The following BLTP3B variants were observed in gnomAD, a reference collection of about 807,000 sequenced individuals.
BLTP3B encodes the protein bridge-like lipid transfer protein family member 3B, also known as UHRF1 (ICBP90) binding protein 1-like.
the BLTP3B span, among the ~76,000 whole-genome samples, chr12:100,064,803 A>C: frequency 6.6e-6 from 1 of 152,148 alleles, no homozygotes; most frequent in South Asian, 2.1e-4. Flanking sequence ...AAATCTTGAA[A>C]CAAATCCTGG....
the BLTP3B span, among the ~76,000 whole-genome samples, chr12:100,114,234 T>G: frequency 2.0e-5 from 3 of 152,204 alleles, no homozygotes; most frequent in Non-Finnish European, 2.9e-5. Flanking sequence ...ACATACTTCC[T>G]TGGTTATAGT....
chr12:100,112,176 G>A, the BLTP3B span, among the ~76,000 whole-genome samples: 2 of 152,164 alleles, frequency 1.3e-5, no homozygotes, highest in African/African-American at 4.8e-5. Flanking sequence ...AAAATGAGGA[G>A]GATTAAAATA....
chr12:100,071,837 G>A, the BLTP3B span, among the ~76,000 whole-genome samples: 2 of 152,164 alleles, frequency 1.3e-5, no homozygotes, highest in African/African-American at 4.8e-5. Context: ...TTATATAGCT[G>A]ACATATAAAT....
chr12:100,141,377 A>C, the BLTP3B span, among the ~76,000 whole-genome samples: 2 of 151,444 alleles, frequency 1.3e-5, no homozygotes, highest in South Asian at 4.2e-4. Flanking sequence ...TATATGTAGT[A>C]CACATATATA....
the BLTP3B span, among the ~76,000 whole-genome samples, chr12:100,091,405 G>A: frequency 6.6e-6 from 1 of 151,860 alleles, no homozygotes; most frequent in African/African-American, 2.4e-5. Flanking sequence ...GGACAGGCTG[G>A]TCTCAAACTC....
chr12:100,039,589 C>T, the BLTP3B span: 1 of 1,609,186 alleles, frequency 6.2e-7, no homozygotes. Flanking sequence ...ATTAGGTTTC[C>T]CATTACCTGT....
the BLTP3B span, chr12:100,037,776 G>A: frequency 3.2e-6 from 5 of 1,564,548 alleles, no homozygotes; most frequent in South Asian, 1.2e-5. Flanking sequence ...AAATGGCGGG[G>A]GGATAAGATA....
chr12:100,100,274 C>T, the BLTP3B span, among the ~76,000 whole-genome samples: 302 of 151,924 alleles, frequency 2.0e-3, no homozygotes, highest in African/African-American at 7.1e-3. Context: ...CACTGCACTC[C>T]AGCCTGGGCA....
the BLTP3B span, among the ~76,000 whole-genome samples, chr12:100,066,287 T>C: frequency 6.4e-4 from 98 of 152,254 alleles, no homozygotes; most frequent in Admixed American, 6.0e-3. Context: ...AGGGACATTA[T>C]ACAATGATAA....
the BLTP3B span, among the ~76,000 whole-genome samples, chr12:100,131,369 T>A: frequency 6.6e-6 from 1 of 151,406 alleles, no homozygotes; most frequent in Admixed American, 6.6e-5. Flanking sequence ...TTAATTTATT[T>A]AAAAAATTTT....
the BLTP3B span, among the ~76,000 whole-genome samples, chr12:100,101,483 C>T: frequency 3.9e-5 from 6 of 152,090 alleles, no homozygotes; most frequent in African/African-American, 7.2e-5. Flanking sequence ...TGCTATTTTA[C>T]GCAATATGAG....
the BLTP3B span, among the ~76,000 whole-genome samples, chr12:100,112,694 A>G: frequency 1.3e-5 from 2 of 152,068 alleles, no homozygotes; most frequent in African/African-American, 4.8e-5. Flanking sequence ...CCATATAATC[A>G]AAGATTTATA....
At chr12:100,123,827 GA>G in the BLTP3B span, among the ~76,000 whole-genome samples, 2 of 150,874 alleles carry the variant, frequency 1.3e-5, no homozygotes, top group Non-Finnish European at 3.0e-5. Flanking sequence ...TGCGTGTAAT[GA>G]AAAAAAATCA....
chr12:100,136,974 G>A, the BLTP3B span, among the ~76,000 whole-genome samples: 6 of 152,044 alleles, frequency 3.9e-5, no homozygotes, highest in Non-Finnish European at 7.4e-5. Flanking sequence ...ACCACACCCA[G>A]CTAATTTTGC....
chr12:100,082,201 A>G, the BLTP3B span, among the ~76,000 whole-genome samples: 1 of 152,140 alleles, frequency 6.6e-6, no homozygotes, highest in African/African-American at 2.4e-5. Context: ...GGCTGCACAT[A>G]TGTCTTCTTT....
At chr12:100,136,065 G>A in the BLTP3B span, among the ~76,000 whole-genome samples, 3 of 152,002 alleles carry the variant, frequency 2.0e-5, no homozygotes, top group African/African-American at 7.3e-5. Flanking sequence ...ACAAAAATTA[G>A]CTGGGTGTGG....
At chr12:100,081,952 G>A in the BLTP3B span, among the ~76,000 whole-genome samples, 1 of 152,094 alleles carries the variant, frequency 6.6e-6, no homozygotes, top group Admixed American at 6.5e-5. Context: ...TGGGTCAATT[G>A]GTAGTTCTTT....
the BLTP3B span, chr12:100,057,496 T>C: frequency 8.2e-7 from 1 of 1,224,666 alleles, no homozygotes; most frequent in South Asian, 2.0e-5. Context: ...AATTACTGAA[T>C]ATAACTAAAA....
chr12:100,052,140 C>T, the BLTP3B span, among the ~76,000 whole-genome samples: 3 of 151,374 alleles, frequency 2.0e-5, no homozygotes, highest in Non-Finnish European at 4.4e-5. Context: ...TCTTAGCTCA[C>T]TGCACCCTCC....
Sources: gnomAD v4.1 joint callset for allele counts (sites outside exome capture counted in the v4.1 genomes callset) on GRCh38, gnomAD v4.1.1 for gene constraint, MANE v1.5 for transcripts, NCBI Gene and HGNC (gene_info 2026-07-23, HGNC 2026-07-21) for gene names.